The following WNK1 variants were observed in gnomAD, a reference collection of about 807,000 sequenced individuals.
WNK1 encodes the protein WNK lysine deficient protein kinase 1.
Under a neutral mutation model 222.8 loss-of-function variants are expected in WNK1, and 38 were observed. The observed-to-expected ratio is 0.17, with a 90% CI of 0.13 to 0.22. WNK1 has a LOEUF of 0.22. WNK1 is among the 10% of genes least tolerant of loss of function. The probability of loss-of-function intolerance (pLI) is 1.00; values close to 1 mark genes in which losing one functional copy is unlikely to be tolerated. For missense variants in WNK1, 2,348 were observed against 2,918.4 expected (o/e 0.80, Z 4.50); for synonymous variants, 1,090 against 1,092.9 (o/e 1.00, Z 0.05).
At chr12:785,018 A>T (rs1358913698) in intron 1 of WNK1, among the ~76,000 whole-genome samples, 1 of 152,198 alleles carries the variant, frequency 6.6e-6, no homozygotes, top group Non-Finnish European at 1.5e-5. Context: ...AGTTCGGATA[A>T]CAAATTCTAG....
At position 908,861 on chromosome 12, in the gene WNK1, G is replaced by GGGGGGGGGGTGCA; in HGVS notation, c.*69_*70insGGGGGGGGGTGCA. Reference sequence around the variant, plus strand: ...ATGCTGAGGGGGTGGGTGGGGGTGGGAAGTAGCCTATATACTAACTACTAG... The same window carrying GGGGGGGGGGTGCA: ...ATGCTGAGGGGGTGGGTGGGGGTGGGGGGGGGGGGTGCAAAGTAGCCTATATACTAACTACTAG... On this transcript the variant is annotated 3_prime_UTR_variant, in exon 28 of 28. Transcript: ENST00000315939. 1 of 491,846 alleles carries GGGGGGGGGGTGCA rather than the reference G, an allele frequency of 2.0e-6. No homozygotes were observed. Among genetic ancestry groups the GGGGGGGGGGTGCA allele is most frequent in the East Asian group, 6.0e-5 (1 of 16,748 alleles). 30.5% of individuals were successfully genotyped at this position (491,846 alleles called of 1,614,324 possible).
In WNK1 at chr12:758,906, A is replaced by G. The variant is rs1289575152; in HGVS notation, c.759+4582A>G. Among the ~76,000 whole-genome samples, 3 of 147,438 alleles carry G rather than the reference A, an allele frequency of 2.0e-5. 1 individual carries two copies. The highest frequency in any genetic ancestry group is 1.4e-4 in the Admixed American group (2 of 14,772). ...TTTGTGTAAAACAAACCAGGAATCTATTGTTGCTTTGTGACAATTCATTTC... is the reference window on the plus strand; with the variant it reads ...TTTGTGTAAAACAAACCAGGAATCTGTTGTTGCTTTGTGACAATTCATTTC... On this transcript the variant is annotated intron_variant, in intron 1 of 27. Transcript: ENST00000315939.
chr12:758,697 A>G (rs1000519752), intron 1 of WNK1, among the ~76,000 whole-genome samples: 1 of 147,246 alleles, frequency 6.8e-6, no homozygotes, highest in South Asian at 2.2e-4. Flanking sequence ...TTTGTGCCAC[A>G]TTCCTTATTT....
chr12:769,866 C>A (rs1942257921), intron 1 of WNK1, among the ~76,000 whole-genome samples: 1 of 152,150 alleles, frequency 6.6e-6, no homozygotes, highest in Non-Finnish European at 1.5e-5. Flanking sequence ...CAGAGGGCTT[C>A]AGGGCAAGAG....
chr12:794,819 A>T (rs377341563), intron 1 of WNK1, among the ~76,000 whole-genome samples: 20 of 152,188 alleles, frequency 1.3e-4, no homozygotes, highest in Admixed American at 3.9e-4. Context: ...AGGCACAATC[A>T]TGGCTCACTG....
chr12:894,696 A>G, intron 23 of WNK1, 61 bp downstream of exon 23: 1 of 1,463,958 alleles, frequency 6.8e-7, no homozygotes, highest in East Asian at 2.3e-5. Context: ...CTATATAATA[A>G]AATTACTGCC....
At chr12:789,242 A>G (rs922883366) in intron 1 of WNK1, among the ~76,000 whole-genome samples, 2 of 152,164 alleles carry the variant, frequency 1.3e-5, no homozygotes, top group African/African-American at 4.8e-5. Flanking sequence ...TACATTTGGT[A>G]AAAGTTACAG....
chr12:868,465 T>G, intron 8 of WNK1: 2 of 1,613,988 alleles, frequency 1.2e-6, no homozygotes, highest in South Asian at 2.2e-5. Context: ...ACCTTCAGAA[T>G]CTAAGATTAG....
At position 896,607 on chromosome 12, in the gene WNK1, C is replaced by A. The variant is rs142439139; in HGVS notation, c.6120C>A (p.Ser2040Arg). 1.2e-6 allele frequency: 2 copies of A among 1,607,818 alleles called. No individual in the cohort carries two copies. Among genetic ancestry groups the A allele is most frequent in the South Asian group, 1.1e-5 (1 of 90,500 alleles). ...CGCCCCATCAGCTGAGCTCAAAGAGCCTTCCTAGCCAGAATCTAAGTCAAA... is the reference window on the plus strand; with the variant it reads ...CGCCCCATCAGCTGAGCTCAAAGAGACTTCCTAGCCAGAATCTAAGTCAAA... Reference protein sequence around the residue: ...PHSPHQLSSKSLPSQNLSQSL... With the variant: ...PHSPHQLSSKRLPSQNLSQSL... The change falls in exon 24 of 28, where the codon AGC (serine) becomes AGA (arginine). Residue 2040 changes from serine to arginine, a missense_variant. Ser to Arg is a moderately radical substitution (Grantham distance 110, BLOSUM62 -1). Transcript: ENST00000315939.
intron 1 of WNK1, among the ~76,000 whole-genome samples, chr12:804,808 A>G (rs906303197): frequency 4.6e-5 from 7 of 151,830 alleles, no homozygotes; most frequent in African/African-American, 1.7e-4. Context: ...AGACTCAGAC[A>G]TTATTTATCC....
At chr12:777,248 C>T (rs1387253729) in intron 1 of WNK1, among the ~76,000 whole-genome samples, 2 of 151,212 alleles carry the variant, frequency 1.3e-5, no homozygotes, top group South Asian at 2.1e-4. Flanking sequence ...CTGCAGCCTC[C>T]GCCTCCTGGG....
At chr12:900,778 C>A in intron 26 of WNK1, 108 bp downstream of exon 26, 1 of 1,315,818 alleles carries the variant, frequency 7.6e-7, no homozygotes, top group Non-Finnish European at 1.1e-6. Context: ...CAGAACACAG[C>A]CTGTGTGTTG....
chr12:842,609 G>C (rs1990021), intron 4 of WNK1, among the ~76,000 whole-genome samples: 97,146 of 151,988 alleles, frequency 0.64, 31,897 homozygotes, highest in East Asian at 0.87. Context: ...GGTGTAGTCC[G>C]TAAAATGTTT....
rs2154054707 is a variant in WNK1 at position 850,452 on chromosome 12, G to T, written c.1312-6709G>T. Among the ~76,000 whole-genome samples the T allele has an allele frequency of 2.6e-5, 4 of 152,268 alleles. 1 individual carries two copies. In the South Asian group the frequency reaches 8.3e-4, roughly 32 times the overall value. On this transcript the variant is annotated intron_variant, in intron 4 of 27. Transcript: ENST00000315939. The stretch of plus-strand genomic sequence containing the variant: ...TCTTGTAAATTTGTTTGAGTTCATT[G>T]TAGATTCTGGATATTAGCCCTTTGT...
intron 15 of WNK1, 132 bp from the exon 16 acceptor site, chr12:883,263 A>G: frequency 8.6e-7 from 1 of 1,166,474 alleles, no homozygotes; most frequent in Non-Finnish European, 1.2e-6. Flanking sequence ...AAGTTCTTAA[A>G]AAGAGAAGAG....
intron 9 of WNK1, among the ~76,000 whole-genome samples, chr12:876,069 T>G (rs994198540): frequency 2.0e-5 from 3 of 152,196 alleles, no homozygotes; most frequent in African/African-American, 7.2e-5. Context: ...ATAAATTTCA[T>G]GTAATTCAGC....
At chr12:862,003 A>G in intron 7 of WNK1, 80 bp from the exon 8 acceptor site, 1 of 1,545,658 alleles carries the variant, frequency 6.5e-7, no homozygotes, top group Non-Finnish European at 8.9e-7. Flanking sequence ...TAATGGGTCT[A>G]AATATGAGAA....
chr12:788,172 C>T (rs1291270364), intron 1 of WNK1, among the ~76,000 whole-genome samples: 1 of 151,994 alleles, frequency 6.6e-6, no homozygotes, highest in African/African-American at 2.4e-5. Context: ...TAGGTTTAAC[C>T]ATATCTACAA....
At chr12:872,954 T>C (rs537894493) in intron 9 of WNK1, among the ~76,000 whole-genome samples, 6 of 152,362 alleles carry the variant, frequency 3.9e-5, no homozygotes, top group South Asian at 2.1e-4. Context: ...CTGGGACTTA[T>C]ATGCTTTGTT....
Sources: gnomAD v4.1 joint callset for allele counts (sites outside exome capture counted in the v4.1 genomes callset) on GRCh38, gnomAD v4.1.1 for gene constraint, MANE v1.5 for transcripts, NCBI Gene and HGNC (gene_info 2026-07-23, HGNC 2026-07-21) for gene names.